The following SDK1 variants were observed in gnomAD, a reference collection of about 807,000 sequenced individuals.
SDK1 encodes the protein sidekick cell adhesion molecule 1.
Under a neutral mutation model 245.5 loss-of-function variants are expected in SDK1, and 157 were observed. The observed-to-expected ratio is 0.64, with a 90% CI of 0.56 to 0.73. The LOEUF (loss-of-function observed/expected upper bound fraction) is 0.73, where lower values mean the gene tolerates loss of function less well. SDK1 is among the 30% of genes least tolerant of loss of function. The probability of loss-of-function intolerance (pLI) is 0.00; values close to 1 mark genes in which losing one functional copy is unlikely to be tolerated. For missense variants in SDK1, 3,583 were observed against 3,002.3 expected, an observed-to-expected ratio of 1.19 and a Z score of -4.52; for synonymous variants, 1,647 against 1,278.5, an observed-to-expected ratio of 1.29 and a Z score of -6.15.
At chr7:3,639,598 C>G (rs910040445) in intron 3 of SDK1, among the ~76,000 whole-genome samples, 3 of 152,096 alleles carry the variant, frequency 2.0e-5, no homozygotes, top group Admixed American at 6.6e-5. Flanking sequence ...CTTTATTCAG[C>G]AGATCCATTT....
chr7:3,454,265 A>C (rs1780605976), intron 1 of SDK1, among the ~76,000 whole-genome samples: 2 of 152,218 alleles, frequency 1.3e-5, no homozygotes, highest in African/African-American at 2.4e-5. Flanking sequence ...CTAGATTATG[A>C]AAATCAACTC....
Position 4,086,063 on chromosome 7 carries a change from A to C in SDK1, c.3324+6479A>C, listed in dbSNP as rs113114807. On this transcript the variant is annotated intron_variant, in intron 22 of 44. Coordinates refer to ENST00000404826, the MANE Select transcript of SDK1 (RefSeq NM_152744.4). ...TTTCCTTTTTCTTTTTCTTTCTGGC[A>C]ACATAAACAGCTCTGCGTATATGTG... Among the ~76,000 whole-genome samples the C allele has an allele frequency of 1.1e-3, 162 of 152,214 alleles. 1 individual carries two copies. Among genetic ancestry groups the C allele is most frequent in the African/African-American group, 3.7e-3 (154 of 41,542 alleles).
intron 34 of SDK1, among the ~76,000 whole-genome samples, chr7:4,176,543 G>T (rs1782224531): frequency 6.6e-6 from 1 of 152,140 alleles, no homozygotes; most frequent in African/African-American, 2.4e-5. Context: ...GTACAGTTCA[G>T]TGGCATTAAG....
chr7:3,876,833 A>G (rs1219154927), intron 5 of SDK1, among the ~76,000 whole-genome samples: 3 of 152,224 alleles, frequency 2.0e-5, no homozygotes, highest in African/African-American at 7.2e-5. Flanking sequence ...AAATGTTAGC[A>G]TTTTAACACA....
intron 1 of SDK1, among the ~76,000 whole-genome samples, chr7:3,317,410 C>T (rs1463069657): frequency 2.6e-5 from 4 of 152,048 alleles, no homozygotes; most frequent in Non-Finnish European, 5.9e-5. Context: ...ATCTGCTTTC[C>T]AGACTAATTG....
Position 4,110,741 on chromosome 7 carries a change from A to T in SDK1, c.3403A>T (p.Ile1135Phe). 6.2e-7 allele frequency: 1 copy of T among 1,613,686 alleles called. No individual in the cohort carries two copies. The change falls in exon 23 of 45, where the codon ATC becomes TTC. Residue 1135 changes from isoleucine (I) to phenylalanine (F), a missense_variant. By Grantham distance (21) the Ile-to-Phe change is conservative. Transcript: ENST00000404826. ...TGAGCCTGATGCCCAGATGCTGGAG[A>T]TCCCAAACCTCACACCCTACACTCA... ...ENEPDAQMLE[I>F]PNLTPYTHYR...
intron 1 of SDK1, among the ~76,000 whole-genome samples, chr7:3,304,107 G>A (rs1215272851): frequency 6.6e-6 from 1 of 152,178 alleles, no homozygotes; most frequent in African/African-American, 2.4e-5. Context: ...CTAGGTTACA[G>A]ACCCTCTATG....
chr7:3,494,335 T>G (rs928810472), intron 1 of SDK1, among the ~76,000 whole-genome samples: 2 of 152,234 alleles, frequency 1.3e-5, no homozygotes, highest in African/African-American at 4.8e-5. Flanking sequence ...ACGGGTATCC[T>G]ACCTGGAACA....
At chr7:3,705,444 T>C (rs1409940293) in intron 4 of SDK1, among the ~76,000 whole-genome samples, 1 of 121,094 alleles carries the variant, frequency 8.3e-6, no homozygotes, top group Non-Finnish European at 1.6e-5. Flanking sequence ...TTATTTTATT[T>C]TATTTTATTT....
intron 4 of SDK1, among the ~76,000 whole-genome samples, chr7:3,804,803 TGAGTG>T (rs1431254891): frequency 1.3e-5 from 2 of 152,230 alleles, no homozygotes; most frequent in Admixed American, 1.3e-4. Context: ...CTATTTCTGT[TGAGTG>T]ATTGTCAGTG....
At chr7:4,237,508 C>T (rs745503730) in intron 41 of SDK1, 139 bp from the exon 42 acceptor site, 10 of 932,430 alleles carry the variant, frequency 1.1e-5, no homozygotes, top group East Asian at 4.9e-5. Flanking sequence ...TCCACCCGCC[C>T]GGCTGGACAT....
At position 3,375,830 on chromosome 7, in the gene SDK1, G is replaced by T. The variant is rs944491820; in HGVS notation, c.298+73946G>T. Reference sequence around the variant, plus strand: ...CTCATGTGGATACAGCTAAACCAGAGCCACAGAACTAAGCTGCTCCTGAAT... The same window carrying T: ...CTCATGTGGATACAGCTAAACCAGATCCACAGAACTAAGCTGCTCCTGAAT... On this transcript the variant is annotated intron_variant, in intron 1 of 44. Coordinates refer to ENST00000404826, the MANE Select transcript of SDK1 (RefSeq NM_152744.4). Among the ~76,000 whole-genome samples the T allele has an allele frequency of 2.6e-5, 4 of 152,314 alleles. No homozygotes were observed. In the East Asian group the frequency reaches 7.7e-4, roughly 29 times the overall value.
chr7:3,347,479 C>G (rs746743717), intron 1 of SDK1, among the ~76,000 whole-genome samples: 2 of 152,122 alleles, frequency 1.3e-5, no homozygotes, highest in African/African-American at 4.8e-5. Context: ...CTGATTACTA[C>G]AGTCAAGGCT....
At chr7:3,740,705 C>G (rs778247393) in intron 4 of SDK1, among the ~76,000 whole-genome samples, 2 of 152,130 alleles carry the variant, frequency 1.3e-5, no homozygotes, top group Non-Finnish European at 2.9e-5. Flanking sequence ...AGTTAAAACA[C>G]TTTATAGTTT....
intron 4 of SDK1, among the ~76,000 whole-genome samples, chr7:3,707,393 T>C (rs1784920970): frequency 6.6e-6 from 1 of 152,258 alleles, no homozygotes; most frequent in Non-Finnish European, 1.5e-5. Context: ...TCTCATTTTA[T>C]TCTATTCTGA....
At chr7:4,011,180 C>T (rs1785929573) in intron 15 of SDK1, 67 bp downstream of exon 15, 1 of 1,560,892 alleles carries the variant, frequency 6.4e-7, no homozygotes, top group South Asian at 1.1e-5. Flanking sequence ...AGAGAAGCAT[C>T]ACATTATGTG....
At position 3,586,566 on chromosome 7, in the gene SDK1, A is replaced by G. The variant is rs529664971; in HGVS notation, c.299-32514A>G. 1.2e-4 allele frequency among the ~76,000 whole-genome samples: 18 copies of G among 151,636 alleles called. No homozygotes were observed. In the South Asian group the frequency reaches 3.8e-3, roughly 32 times the overall value. ...CAAAAAAAAAAAAAATTAGCTGGGCATTGTGGCGGGCGCCTGTAGTCCTAG... is the reference window on the plus strand; with the variant it reads ...CAAAAAAAAAAAAAATTAGCTGGGCGTTGTGGCGGGCGCCTGTAGTCCTAG... On this transcript the variant is annotated intron_variant, in intron 1 of 44. Coordinates refer to ENST00000404826, the MANE Select transcript of SDK1 (RefSeq NM_152744.4).
chr7:3,575,537 G>T (rs13222753), intron 1 of SDK1, among the ~76,000 whole-genome samples: 8 of 151,966 alleles, frequency 5.3e-5, no homozygotes, highest in African/African-American at 1.9e-4. Flanking sequence ...GGTGAGGGGG[G>T]ACACCCACAT....
chr7:3,345,611 A>G (rs1199141001), intron 1 of SDK1, among the ~76,000 whole-genome samples: 1 of 152,174 alleles, frequency 6.6e-6, no homozygotes, highest in African/African-American at 2.4e-5. Flanking sequence ...GGAGTATAGT[A>G]ACATATCAGG....
Sources: gnomAD v4.1 joint callset for allele counts (sites outside exome capture counted in the v4.1 genomes callset) on GRCh38, gnomAD v4.1.1 for gene constraint, MANE v1.5 for transcripts, NCBI Gene and HGNC (gene_info 2026-07-23, HGNC 2026-07-21) for gene names.